Variants in TIMELESS observed in about 807,000 individuals in gnomAD.
The protein encoded by TIMELESS is timeless circadian regulator, also known as protein timeless homolog.
In TIMELESS, 124 loss-of-function variants were observed where a neutral mutation model predicts 164.3. The observed-to-expected ratio is 0.75, with a 90% CI of 0.65 to 0.88. The LOEUF (loss-of-function observed/expected upper bound fraction) is 0.88, where lower values mean the gene tolerates loss of function less well. Ranked by LOEUF, TIMELESS falls within the 40% of genes least tolerant of loss-of-function variation. TIMELESS has a pLI of 0.00. For synonymous variants in TIMELESS, 564 were observed against 563.4 expected (o/e 1.00, Z -0.02); for missense variants, 1,422 against 1,491.4 (o/e 0.95, Z 0.77).
In TIMELESS at chr12:56,449,009, C is replaced by T. The variant is rs72478924; in HGVS notation, c.-62+301G>A. Among the ~76,000 whole-genome samples, 9 of 152,370 alleles carry T rather than the reference C, an allele frequency of 5.9e-5. No homozygotes were observed. In the East Asian group the frequency reaches 1.7e-3, roughly 29 times the overall value. ...AGCTCCGAAGTGGAACTCCCTCAGG[C>T]ACTTTCTGTTCTAATTCAGGAATTC... On this transcript the variant is annotated intron_variant, in intron 1 of 28. Coordinates refer to ENST00000553532, the MANE Select transcript of TIMELESS (RefSeq NM_003920.5).
chr12:56,446,168 T>G (rs988520373), intron 1 of TIMELESS, among the ~76,000 whole-genome samples: 1 of 152,204 alleles, frequency 6.6e-6, no homozygotes, highest in African/African-American at 2.4e-5. Context: ...GCTCCCAAAG[T>G]GCTGGGATTA....
At chr12:56,419,742 G>C (rs1423863211) in intron 26 of TIMELESS, among the ~76,000 whole-genome samples, 1 of 151,294 alleles carries the variant, frequency 6.6e-6, no homozygotes, top group Non-Finnish European at 1.5e-5. Flanking sequence ...CTGAGTCTGT[G>C]GATTCAAACC....
Position 56,421,014 on chromosome 12 carries a change from C to T in TIMELESS, c.2989G>A (p.Gly997Ser). 2 of 1,614,170 alleles carry T rather than the reference C, an allele frequency of 1.2e-6. No homozygotes were observed. The highest frequency in any genetic ancestry group is 2.2e-5 in the South Asian group (2 of 91,082). The change falls in exon 24 of 29, where the codon GGT becomes AGT. Residue 997 changes from glycine to serine, a missense_variant. Transcript: ENST00000553532. ...TTTTCATTTGAAAGGACTAAGCTACCCTGGACTTGTTCTGCTTCTGAGCCC... is the reference window on the plus strand; with the variant it reads ...TTTTCATTTGAAAGGACTAAGCTACTCTGGACTTGTTCTGCTTCTGAGCCC... ...EGGSEAEQVQ[G>S]SLVLSNENLG...
chr12:56,422,068 C>T, intron 20 of TIMELESS, 38 bp downstream of exon 20: 1 of 1,613,774 alleles, frequency 6.2e-7, no homozygotes, highest in Non-Finnish European at 8.5e-7. Flanking sequence ...GCTCAAGCTG[C>T]CCTCCTCATA....
chr12:56,441,835 G>A (rs933193370), intron 1 of TIMELESS, among the ~76,000 whole-genome samples: 3 of 152,106 alleles, frequency 2.0e-5, no homozygotes, highest in African/African-American at 4.8e-5. Context: ...TGTAATCCCA[G>A]CACTTTGGGA....
chr12:56,441,240 C>T (rs1053156477), intron 1 of TIMELESS, among the ~76,000 whole-genome samples: 1 of 152,176 alleles, frequency 6.6e-6, no homozygotes, highest in Non-Finnish European at 1.5e-5. Context: ...TGATCTGCAA[C>T]AGCTTGAGGG....
intron 11 of TIMELESS, 50 bp from the exon 12 acceptor site, chr12:56,428,702 C>A: frequency 6.5e-7 from 1 of 1,548,402 alleles, no homozygotes; most frequent in Admixed American, 1.7e-5. Context: ...AGGGCAATGG[C>A]CCATGGAAAC....
chr12:56,426,944 T>C (rs995567849), intron 13 of TIMELESS, among the ~76,000 whole-genome samples: 11 of 152,140 alleles, frequency 7.2e-5, no homozygotes, highest in African/African-American at 2.7e-4. Context: ...GGGTTTTTTT[T>C]ATTTTAATGT....
chr12:56,431,285 C>T lies in TIMELESS; in HGVS notation c.821+186G>A, dbSNP rs562449202. 2.8e-4 allele frequency among the ~76,000 whole-genome samples: 41 copies of T among 147,634 alleles called. No individual in the cohort carries two copies. In the South Asian group the frequency reaches 8.5e-3, roughly 31 times the overall value. On this transcript the variant is annotated intron_variant, in intron 8 of 28. Coordinates refer to ENST00000553532, the MANE Select transcript of TIMELESS (RefSeq NM_003920.5). ...AGGAGAATCGCTTGAACCCAGGAGA[C>T]AGAGGTTGCAGTGAGCAGAGATCGT...
intron 23 of TIMELESS, 77 bp from the exon 24 acceptor site, chr12:56,421,211 C>T (rs1881470141): frequency 1.9e-6 from 3 of 1,598,532 alleles, no homozygotes; most frequent in Non-Finnish European, 2.6e-6. Flanking sequence ...CGTTCCTGAC[C>T]ACCGCACCCC....
chr12:56,433,229 A>C (rs1012064343), intron 5 of TIMELESS, 102 bp from the exon 6 acceptor site: 1 of 1,417,814 alleles, frequency 7.1e-7, no homozygotes, highest in East Asian at 2.3e-5. Context: ...GATTAAAAAG[A>C]AAGAGTTCAA....
chr12:56,444,244 C>T (rs1272095559), intron 1 of TIMELESS, among the ~76,000 whole-genome samples: 1 of 152,174 alleles, frequency 6.6e-6, no homozygotes, highest in South Asian at 2.1e-4. Flanking sequence ...CAAAGAACCA[C>T]TATTCCTAAC....
intron 15 of TIMELESS, among the ~76,000 whole-genome samples, 172 bp from the exon 16 acceptor site, chr12:56,424,066 A>G (rs865810173): frequency 1.3e-5 from 2 of 152,230 alleles, no homozygotes; most frequent in Admixed American, 1.3e-4. Context: ...CATAAGCCAC[A>G]ATTCAATAAA....
rs151146974 is a variant in TIMELESS at position 56,417,765 on chromosome 12, C to T, written c.3578G>A (p.Gly1193Glu). The change falls in exon 29 of 29, where the codon GGA becomes GAA. Residue 1193 changes from glycine (G) to glutamate (E), a missense_variant. Transcript: ENST00000553532. ...RNRAPELGAP[G>E]IQKKKRYQIE... ...CTGGTATCGTTTCTTCTTTTGGATT[C>T]CTGGAGCTCCCAACTCTGGTGCTGT... is the stretch of plus-strand genomic sequence containing the variant. The T allele has an allele frequency of 3.6e-3, 5,887 of 1,614,092 alleles. 17 individuals carry two copies. Among genetic ancestry groups the T allele is most frequent in the Non-Finnish European group, 4.2e-3 (4,976 of 1,180,020 alleles).
At chr12:56,422,807 T>TGC in intron 19 of TIMELESS, 40 bp downstream of exon 19, 5 of 1,447,318 alleles carry the variant, frequency 3.5e-6, no homozygotes, top group Non-Finnish European at 4.7e-6. Flanking sequence ...GCATCAAACT[T>TGC]CCCCTACCCC....
At chr12:56,432,222 G>C (rs1881908777) in intron 7 of TIMELESS, 147 bp downstream of exon 7, 3 of 815,542 alleles carry the variant, frequency 3.7e-6, no homozygotes, top group South Asian at 2.4e-5. Context: ...CCATGAATAA[G>C]GGGGTACTAC....
rs773225150 is a variant in TIMELESS, at chr12:56,428,218, T to C, written c.1578+18A>G. The C allele has an allele frequency of 3.2e-6, 5 of 1,568,168 alleles. No homozygotes were observed. In the Admixed American group the frequency reaches 7.5e-5, roughly 24 times the overall value. On this transcript the variant is annotated intron_variant, in intron 13 of 28. Coordinates refer to ENST00000553532, the MANE Select transcript of TIMELESS (RefSeq NM_003920.5). ...CTCTCCCTTACAGCTCTTTCTACAT[T>C]GTGGGGCTGCCCAGTACCTGCACCA...
At position 56,431,551 on chromosome 12, in the gene TIMELESS, A is replaced by G; in HGVS notation, c.741T>C (p.Ser247=). The G allele has an allele frequency of 4.3e-6, 7 of 1,613,110 alleles. No individual in the cohort carries two copies. Among genetic ancestry groups the G allele is most frequent in the South Asian group, 1.1e-5 (1 of 90,976 alleles). The change falls in exon 8 of 29, where the codon AGT becomes AGC. Residue 247 remains serine, a synonymous_variant. Transcript: ENST00000553532. ...ACACCTCCAGTTCTGCAAAATCTGCACTCCGCTCCTGAGCTAAGCGTCCCT... is the reference window on the plus strand; with the variant it reads ...ACACCTCCAGTTCTGCAAAATCTGCGCTCCGCTCCTGAGCTAAGCGTCCCT... ...VGQGRLAQER[S]ADFAELEVLR...
chr12:56,426,758 C>A (rs923700683), intron 13 of TIMELESS, among the ~76,000 whole-genome samples: 2 of 151,994 alleles, frequency 1.3e-5, no homozygotes, highest in Admixed American at 6.6e-5. Flanking sequence ...CAGGGTTTCA[C>A]CATGTTGGCC....
Sources: allele counts gnomAD v4.1 joint callset (sites outside exome capture counted in the v4.1 genomes callset), GRCh38; gene constraint gnomAD v4.1.1; transcripts MANE v1.5; gene names NCBI Gene and HGNC (gene_info 2026-07-23, HGNC 2026-07-21).